Variants in COL6A6 observed in about 807,000 individuals in gnomAD.
The protein encoded by COL6A6 is collagen alpha-6(VI) chain.
In COL6A6, 183 loss-of-function variants were observed where a neutral mutation model predicts 208.6. The observed-to-expected ratio is 0.88, with a 90% CI of 0.78 to 0.99. COL6A6 has a LOEUF of 0.99. Ranked by LOEUF, COL6A6 falls within the 50% of genes least tolerant of loss-of-function variation. COL6A6 has a pLI of 0.00. For synonymous variants in COL6A6, 973 were observed against 1,011.8 expected (o/e 0.96, Z 0.73); for missense variants, 2,816 against 2,815.2 (o/e 1.00, Z -0.01).
At chr3:130,622,201 C>T (rs2064742144) in intron 24 of COL6A6, among the ~76,000 whole-genome samples, 1 of 133,570 alleles carries the variant, frequency 7.5e-6, no homozygotes, top group South Asian at 2.5e-4. Context: ...CTCCCCCCGC[C>T]TACCCCCCCC....
At chr3:130,621,410 A>G (rs75646938) in intron 23 of COL6A6, among the ~76,000 whole-genome samples, 6,404 of 152,284 alleles carry the variant, frequency 0.042, 480 homozygotes, top group African/African-American at 0.14. Flanking sequence ...TGATTTTCCA[A>G]TAAAGATCAT....
intron 22 of COL6A6, among the ~76,000 whole-genome samples, chr3:130,609,539 G>A (rs2064290596): frequency 6.6e-6 from 1 of 152,160 alleles, no homozygotes; most frequent in South Asian, 2.1e-4. Flanking sequence ...GGGGTCACAT[G>A]AGGGGCCAGA....
At chr3:130,536,700 G>C (rs533143623) in intron 1 of COL6A6, among the ~76,000 whole-genome samples, 8 of 152,208 alleles carry the variant, frequency 5.3e-5, no homozygotes, top group Admixed American at 3.3e-4. Flanking sequence ...AGTGCAGCTG[G>C]AGTGGTGAGA....
At chr3:130,571,507 A>T (rs2063166651) in intron 7 of COL6A6, 114 bp downstream of exon 7, 1 of 700,116 alleles carries the variant, frequency 1.4e-6, no homozygotes, top group South Asian at 2.1e-5. Context: ...AGGAGCTCTA[A>T]TTGTTTCATA....
intron 33 of COL6A6, among the ~76,000 whole-genome samples, chr3:130,653,283 C>T (rs567968240): frequency 2.0e-4 from 31 of 152,032 alleles, no homozygotes; most frequent in East Asian, 1.3e-3. Flanking sequence ...TGTGTGGCGT[C>T]GCAGCTAAGA....
chr3:130,675,184 TTC>T lies in COL6A6; in HGVS notation c.6597-14_6597-13del. ...GAAATGGCATTTATCTTCTATGATG[TTC>T]TCTTTTGTTGTATAGCTTTGTTCCT... On this transcript the variant is annotated splice_polypyrimidine_tract_variant and intron_variant, in intron 36 of 36. Transcript: ENST00000358511. 1.4e-6 allele frequency: 2 copies of T among 1,477,092 alleles called. No individual in the cohort carries two copies. The highest frequency in any genetic ancestry group is 1.8e-6 in the Non-Finnish European group (2 of 1,102,382). 91.5% of individuals were successfully genotyped at this position (1,477,092 alleles called of 1,614,324 possible). A position where few individuals can be genotyped will look rare whatever the true frequency, so the allele number is the denominator to read the frequency against.
At chr3:130,602,999 T>G (rs115507214) in intron 20 of COL6A6, among the ~76,000 whole-genome samples, 2 of 152,318 alleles carry the variant, frequency 1.3e-5, no homozygotes, top group Non-Finnish European at 2.9e-5. Context: ...GACTTGTCAG[T>G]GCACTTAGGT....
At position 130,592,453 on chromosome 3, in the gene COL6A6, T is replaced by C. The variant is rs2063740664; in HGVS notation, c.4273-88T>C. On this transcript the variant is annotated intron_variant, in intron 13 of 36. Coordinates refer to ENST00000358511, the MANE Select transcript of COL6A6 (RefSeq NM_001102608.3). ...TTGTGAACCATGAGCATTCACACTTTTTTTGGTAACAAAAAACTTGTCAAG... is the reference window on the plus strand; with the variant it reads ...TTGTGAACCATGAGCATTCACACTTCTTTTGGTAACAAAAAACTTGTCAAG... 3.9e-6 allele frequency: 4 copies of C among 1,014,464 alleles called. No homozygotes were observed. The East Asian group carries it at 1.0e-4, about 26-fold the overall frequency. 62.8% of individuals were successfully genotyped at this position (1,014,464 alleles called of 1,614,324 possible).
chr3:130,675,599 A>T lies in COL6A6; in HGVS notation c.*202A>T. 2.3e-6 allele frequency: 1 copy of T among 440,260 alleles called. No individual in the cohort carries two copies. The highest frequency in any genetic ancestry group is 4.0e-6 in the Non-Finnish European group (1 of 248,856). 27.3% of individuals were successfully genotyped at this position (440,260 alleles called of 1,614,324 possible). A position where few individuals can be genotyped will look rare whatever the true frequency, so the allele number is the denominator to read the frequency against. On this transcript the variant is annotated 3_prime_UTR_variant, in exon 37 of 37. Transcript: ENST00000358511. Reference sequence around the variant, plus strand: ...CCAGCACTCTACGACTGATATGTCGAAGAACTGTTTCATTAGAAGACAGAA... The same window carrying T: ...CCAGCACTCTACGACTGATATGTCGTAGAACTGTTTCATTAGAAGACAGAA...
chr3:130,523,387 G>A (rs1046712937), intron 1 of COL6A6, among the ~76,000 whole-genome samples: 5 of 152,108 alleles, frequency 3.3e-5, no homozygotes, highest in African/African-American at 1.2e-4. Context: ...AGTGTTTCAT[G>A]TTCACCAGAC....
intron 20 of COL6A6, among the ~76,000 whole-genome samples, chr3:130,606,410 A>T (rs1251705875): frequency 6.6e-6 from 1 of 152,168 alleles, no homozygotes; most frequent in Non-Finnish European, 1.5e-5. Flanking sequence ...TCAGGTAAGC[A>T]TATTATTTGG....
intron 6 of COL6A6, 87 bp downstream of exon 6, chr3:130,568,691 AT>A: frequency 8.0e-7 from 1 of 1,255,974 alleles, no homozygotes; most frequent in Non-Finnish European, 1.1e-6. Flanking sequence ...TTCTATTTAC[AT>A]ATTGTAAACT....
intron 33 of COL6A6, among the ~76,000 whole-genome samples, chr3:130,652,546 G>A (rs1218653586): frequency 1.3e-5 from 2 of 152,196 alleles, no homozygotes; most frequent in African/African-American, 4.8e-5. Flanking sequence ...GAGCAAACTG[G>A]AAAACCAAAA....
intron 34 of COL6A6, among the ~76,000 whole-genome samples, chr3:130,659,727 C>G (rs961598182): frequency 6.6e-6 from 1 of 152,210 alleles, no homozygotes; most frequent in South Asian, 2.1e-4. Flanking sequence ...CATTCTTCTG[C>G]TCCCTAAACC....
intron 36 of COL6A6, among the ~76,000 whole-genome samples, chr3:130,669,509 C>A (rs1463144580): frequency 1.3e-5 from 2 of 151,874 alleles, no homozygotes; most frequent in Non-Finnish European, 2.9e-5. Flanking sequence ...ATACTTAGAA[C>A]TGTGTAACAA....
At chr3:130,527,235 A>T (rs969554775) in intron 1 of COL6A6, among the ~76,000 whole-genome samples, 1 of 152,218 alleles carries the variant, frequency 6.6e-6, no homozygotes, top group African/African-American at 2.4e-5. Flanking sequence ...GAGGTAGCTC[A>T]AGTCTATTAC....
At chr3:130,573,397 C>A (rs1048184851) in intron 7 of COL6A6, among the ~76,000 whole-genome samples, 3 of 152,094 alleles carry the variant, frequency 2.0e-5, no homozygotes, top group Non-Finnish European at 2.9e-5. Context: ...TGGCCTAATA[C>A]CAAATCAACA....
intron 1 of COL6A6, among the ~76,000 whole-genome samples, chr3:130,542,788 C>T (rs958572087): frequency 1.3e-5 from 2 of 151,834 alleles, no homozygotes; most frequent in Admixed American, 6.6e-5. Context: ...CATTTCTTAT[C>T]CCTGATAACT....
intron 1 of COL6A6, among the ~76,000 whole-genome samples, chr3:130,526,363 G>GGA (rs2107682068): frequency 6.6e-6 from 1 of 152,240 alleles, no homozygotes; most frequent in East Asian, 1.9e-4. Context: ...GAGGGAATGA[G>GGA]GAGAGTAAAG....
Sources: gnomAD v4.1 joint callset for allele counts (sites outside exome capture counted in the v4.1 genomes callset) on GRCh38, gnomAD v4.1.1 for gene constraint, MANE v1.5 for transcripts, NCBI Gene and HGNC (gene_info 2026-07-23, HGNC 2026-07-21) for gene names.